PVT1: variants seen among roughly 807,000 people sequenced by gnomAD.
The protein encoded by PVT1 is Pvt1 oncogene, also known as CXCR4/PVT1 fusion.
intron 4 of PVT1, among the ~76,000 whole-genome samples, chr8:128,041,217 GTGTGTGTGCATGTGTGTGTGT>G (rs1202156179): frequency 2.0e-4 from 14 of 69,896 alleles, no homozygotes; most frequent in Admixed American, 2.0e-3. Context: ...ATGTGTGTTT[GTGTGTGTGCATGTGTGTGTGT>G]TGTTTGTGTG....
chr8:127,981,513 A>G (rs1469332687), intron 3 of PVT1, among the ~76,000 whole-genome samples: 1 of 152,228 alleles, frequency 6.6e-6, no homozygotes, highest in African/African-American at 2.4e-5. Flanking sequence ...TCTGGGTGAC[A>G]AGACCAAAGC....
chr8:127,860,068 A>T (rs907202501), intron 2 of PVT1, among the ~76,000 whole-genome samples: 1 of 152,140 alleles, frequency 6.6e-6, no homozygotes, highest in Non-Finnish European at 1.5e-5. Context: ...ATGAGAACTG[A>T]TGACACTCCA....
chr8:127,975,625 T>C (rs1371775761), intron 3 of PVT1, among the ~76,000 whole-genome samples: 1 of 152,210 alleles, frequency 6.6e-6, no homozygotes, highest in Non-Finnish European at 1.5e-5. Flanking sequence ...TGCAACACCC[T>C]GCTCTTCACG....
chr8:128,008,785 C>A, intron 4 of PVT1: 1 of 375,274 alleles, frequency 2.7e-6, no homozygotes, highest in Non-Finnish European at 5.9e-6. Flanking sequence ...CTTTATTCTG[C>A]CCACTCAGCT....
intron 2 of PVT1, among the ~76,000 whole-genome samples, chr8:127,812,219 G>A (rs1586389663): frequency 1.5e-5 from 2 of 135,904 alleles, no homozygotes; most frequent in South Asian, 4.5e-4. Flanking sequence ...GGAAAGGCAG[G>A]AAGGCAGGAA....
chr8:127,803,402 T>G (rs1814491153), intron 2 of PVT1: 1 of 152,302 alleles, frequency 6.6e-6, no homozygotes, highest in Admixed American at 6.5e-5. Flanking sequence ...GTGCTGGGAT[T>G]ACAGGCGTGA....
rs1405269725 is a variant in PVT1 at position 128,097,225 on chromosome 8, G to A, written n.1251+571G>A. Among the ~76,000 whole-genome samples the A allele has an allele frequency of 9.9e-5, 15 of 152,284 alleles. No homozygotes were observed. In the South Asian group the frequency reaches 2.3e-3, roughly 23 times the overall value. On this transcript the variant is annotated intron_variant and non_coding_transcript_variant, in intron 6 of 10. Transcript: ENST00000651587. ...AAAATACAAAAATTATCCAGGCATGGTAGCGCACATCTGTAATCCCACCTG... is the reference window on the plus strand; with the variant it reads ...AAAATACAAAAATTATCCAGGCATGATAGCGCACATCTGTAATCCCACCTG...
chr8:128,005,815 G>A (rs544320450), intron 4 of PVT1, among the ~76,000 whole-genome samples: 51 of 152,186 alleles, frequency 3.4e-4, no homozygotes, highest in African/African-American at 1.1e-3. Context: ...TCTAAAAGAC[G>A]TTTCAAGGCC....
chr8:128,080,492 G>A (rs974381081), intron 5 of PVT1, among the ~76,000 whole-genome samples: 1 of 152,132 alleles, frequency 6.6e-6, no homozygotes, highest in Non-Finnish European at 1.5e-5. Flanking sequence ...ATGTTTATTT[G>A]CCATGTGTAT....
intron 3 of PVT1, among the ~76,000 whole-genome samples, chr8:127,980,508 T>C (rs1422872634): frequency 1.3e-5 from 2 of 152,102 alleles, no homozygotes; most frequent in Non-Finnish European, 2.9e-5. Context: ...AGGTGGCTTA[T>C]TGAGCTGGAG....
intron 5 of PVT1, among the ~76,000 whole-genome samples, chr8:128,070,998 A>C (rs1813979449): frequency 6.6e-6 from 1 of 152,196 alleles, no homozygotes; most frequent in South Asian, 2.1e-4. Context: ...TCTTCTATAT[A>C]AGGGATCTTC....
At chr8:127,892,909 GCCCTCTCCCCACA>G (rs1175658968) in intron 3 of PVT1, among the ~76,000 whole-genome samples, 1 of 152,072 alleles carries the variant, frequency 6.6e-6, no homozygotes, top group Non-Finnish European at 1.5e-5. Context: ...ACCCCTTCCT[GCCCTCTCCCCACA>G]CCCTATCGTG....
chr8:127,868,469 C>A (rs1815309348), intron 2 of PVT1, among the ~76,000 whole-genome samples: 1 of 151,966 alleles, frequency 6.6e-6, no homozygotes, highest in South Asian at 2.1e-4. Flanking sequence ...CTCACTACAA[C>A]CCCGACCTCC....
intron 4 of PVT1, among the ~76,000 whole-genome samples, chr8:128,000,886 T>C (rs1445099854): frequency 6.6e-6 from 1 of 152,236 alleles, no homozygotes; most frequent in Non-Finnish European, 1.5e-5. Flanking sequence ...AGGGGTGTAC[T>C]TGCTTCATGC....
At chr8:127,841,881 A>G (rs542473936) in intron 2 of PVT1, among the ~76,000 whole-genome samples, 3 of 151,162 alleles carry the variant, frequency 2.0e-5, no homozygotes, top group African/African-American at 7.3e-5. Flanking sequence ...GTGCGCCACT[A>G]CCCCCAGCTA....
chr8:128,046,902 A>C (rs894754320), intron 4 of PVT1, among the ~76,000 whole-genome samples: 3 of 152,100 alleles, frequency 2.0e-5, no homozygotes, highest in African/African-American at 4.8e-5. Context: ...GGTTTTCTCC[A>C]GGGGACCAAG....
intron 2 of PVT1, among the ~76,000 whole-genome samples, chr8:127,849,884 A>C (rs35212093): frequency 4.0e-5 from 3 of 75,100 alleles, no homozygotes; most frequent in Admixed American, 1.6e-4. Context: ...GCGTGGGTGC[A>C]CAGCCTGTAC....
chr8:127,960,020 C>T (rs1369000303), intron 3 of PVT1, among the ~76,000 whole-genome samples: 1 of 152,174 alleles, frequency 6.6e-6, no homozygotes, highest in African/African-American at 2.4e-5. Flanking sequence ...GAAGGGGTCT[C>T]CTGTACGTCG....
intron 3 of PVT1, among the ~76,000 whole-genome samples, chr8:127,909,897 G>A (rs1463857396): frequency 1.3e-5 from 2 of 152,002 alleles, no homozygotes; most frequent in Admixed American, 6.6e-5. Flanking sequence ...CCAGAGAGAA[G>A]CAGGCACATG....
Sources: gnomAD v4.1 joint callset for allele counts (sites outside exome capture counted in the v4.1 genomes callset) on GRCh38, gnomAD v4.1.1 for gene constraint, MANE v1.5 for transcripts, NCBI Gene and HGNC (gene_info 2026-07-23, HGNC 2026-07-21) for gene names.